CTNND2: variants seen among roughly 807,000 people sequenced by gnomAD.
CTNND2 encodes the protein catenin delta-2.
In CTNND2, 22 loss-of-function variants were observed where a neutral mutation model predicts 144.4. The observed-to-expected ratio is 0.15, with a 90% confidence interval of 0.11 to 0.22. CTNND2 has a LOEUF of 0.22. Among genes scored for constraint, CTNND2 ranks in the 10% least tolerant of loss-of-function variants. The probability of loss-of-function intolerance (pLI) is 1.00; values close to 1 mark genes in which losing one functional copy is unlikely to be tolerated. For missense variants in CTNND2, 1,353 were observed against 1,618.8 expected (o/e 0.84, Z 2.82); for synonymous variants, 751 against 695.6 (o/e 1.08, Z -1.25).
chr5:11,515,548 T>C (rs1327253935), intron 3 of CTNND2, among the ~76,000 whole-genome samples: 1 of 152,160 alleles, frequency 6.6e-6, no homozygotes, highest in East Asian at 1.9e-4. Flanking sequence ...TTCTATACCA[T>C]CCCATAACAT....
chr5:11,141,127 T>C (rs1293301968), intron 12 of CTNND2, among the ~76,000 whole-genome samples: 1 of 152,030 alleles, frequency 6.6e-6, no homozygotes, highest in African/African-American at 2.4e-5. Context: ...ACTAATTTTT[T>C]ATTTTTTGTA....
intron 1 of CTNND2, among the ~76,000 whole-genome samples, chr5:11,750,123 G>A (rs1788531465): frequency 6.6e-6 from 1 of 151,930 alleles, no homozygotes; most frequent in African/African-American, 2.4e-5. Context: ...GGTGGAGTGA[G>A]TTAATTTTAC....
At chr5:11,037,711 T>C (rs1246324960) in intron 16 of CTNND2, among the ~76,000 whole-genome samples, 1 of 152,228 alleles carries the variant, frequency 6.6e-6, no homozygotes, top group East Asian at 1.9e-4. Flanking sequence ...ATCTAACAGG[T>C]TATGCTTATA....
chr5:11,674,628 T>G (rs1473798251), intron 2 of CTNND2, among the ~76,000 whole-genome samples: 1 of 152,236 alleles, frequency 6.6e-6, no homozygotes, highest in Non-Finnish European at 1.5e-5. Context: ...CTCATGTACA[T>G]GAATTTCTGT....
chr5:11,891,492 G>A (rs1433001957), intron 1 of CTNND2, among the ~76,000 whole-genome samples: 2 of 152,126 alleles, frequency 1.3e-5, no homozygotes, highest in African/African-American at 4.8e-5. Context: ...ATATGATGAA[G>A]TCCTAGCCCC....
At chr5:11,477,522 C>T (rs546427355) in intron 3 of CTNND2, among the ~76,000 whole-genome samples, 112 of 152,146 alleles carry the variant, frequency 7.4e-4, no homozygotes, top group African/African-American at 2.7e-3. Flanking sequence ...AGTGATCCTC[C>T]CACCTCAGCT....
At chr5:11,239,423 C>G (rs147230019) in intron 9 of CTNND2, among the ~76,000 whole-genome samples, 25 of 152,318 alleles carry the variant, frequency 1.6e-4, no homozygotes, top group Non-Finnish European at 2.4e-4. Flanking sequence ...CCCAAAACCT[C>G]TGGAATCCCA....
rs769477501 is a variant in CTNND2 at position 11,110,945 on chromosome 5, C to A, written c.2376G>T (p.Gly792=). The part of the protein sequence containing the change: ...GQHMGTDELD[G]LLCGEANGKD... ...TGCCATTGGCCTCGCCACAGAGTAG[C>A]CCGTCCAGCTCGTCCGTGCCCATGT... The change falls in exon 14 of 22, where the codon GGG becomes GGT. Residue 792 remains glycine (G), a synonymous_variant. Coordinates refer to ENST00000304623, the MANE Select transcript of CTNND2 (RefSeq NM_001332.4). 45 of 1,614,034 alleles carry A rather than the reference C, an allele frequency of 2.8e-5. No homozygotes were observed. Among genetic ancestry groups the A allele is most frequent in the South Asian group, 3.3e-5 (3 of 91,080 alleles).
intron 9 of CTNND2, among the ~76,000 whole-genome samples, chr5:11,326,419 G>A (rs1752525846): frequency 6.6e-6 from 1 of 152,142 alleles, no homozygotes; most frequent in Admixed American, 6.5e-5. Context: ...GAGAGTCAGG[G>A]AAGGGCCAGT....
At chr5:11,713,751 C>A (rs1156468299) in intron 2 of CTNND2, among the ~76,000 whole-genome samples, 1 of 152,030 alleles carries the variant, frequency 6.6e-6, no homozygotes, top group African/African-American at 2.4e-5. Flanking sequence ...TAAAATGTAA[C>A]ACAGAGCCTT....
chr5:10,991,243 C>T (rs933302021), intron 19 of CTNND2, among the ~76,000 whole-genome samples: 1 of 152,290 alleles, frequency 6.6e-6, no homozygotes, highest in South Asian at 2.1e-4. Flanking sequence ...TAAAGTCTGG[C>T]GTGGAGTTCT....
At chr5:11,289,022 A>G (rs1748038926) in intron 9 of CTNND2, among the ~76,000 whole-genome samples, 1 of 152,042 alleles carries the variant, frequency 6.6e-6, no homozygotes, top group African/African-American at 2.4e-5. Context: ...GGCCTTTACC[A>G]CTGACATGAT....
chr5:11,151,179 G>A (rs1175974987), intron 12 of CTNND2, among the ~76,000 whole-genome samples: 2 of 152,172 alleles, frequency 1.3e-5, no homozygotes, highest in Non-Finnish European at 1.5e-5. Flanking sequence ...CATGAAAATC[G>A]ATGTGTTACA....
At position 11,472,375 on chromosome 5, in the gene CTNND2, C is replaced by T. The variant is rs565928558; in HGVS notation, c.288-60306G>A. 9.2e-5 allele frequency among the ~76,000 whole-genome samples: 14 copies of T among 152,250 alleles called. No homozygotes were observed. In the South Asian group the frequency reaches 2.7e-3, roughly 29 times the overall value. ...TACTTTTATAATTGAAATAATTTTA[C>T]TTCTCATTAATCTTATCCTAAAATA... On this transcript the variant is annotated intron_variant, in intron 3 of 21. Transcript: ENST00000304623.
chr5:11,672,718 G>A (rs374341054), intron 2 of CTNND2, among the ~76,000 whole-genome samples: 1 of 152,092 alleles, frequency 6.6e-6, no homozygotes, highest in African/African-American at 2.4e-5. Flanking sequence ...GCTCCATAGG[G>A]GTGGGACCCA....
At chr5:11,723,811 G>C (rs1581778663) in intron 2 of CTNND2, among the ~76,000 whole-genome samples, 1 of 152,150 alleles carries the variant, frequency 6.6e-6, no homozygotes, top group East Asian at 1.9e-4. Context: ...AATTCCAGCA[G>C]TTTGGGAGGC....
Position 11,618,385 on chromosome 5 carries a change from G to A in CTNND2, c.175-53329C>T, listed in dbSNP as rs116271803. Among the ~76,000 whole-genome samples, 1,312 of 152,240 alleles carry A rather than the reference G, an allele frequency of 8.6e-3. 10 individuals carry two copies. The highest frequency in any genetic ancestry group is 0.016 in the Non-Finnish European group (1,065 of 68,020). ...AGTGAGATTAATAAAACTATAAAGAGCTGCATGCTAGTTCAGGTCAGGTTT... is the reference window on the plus strand; with the variant it reads ...AGTGAGATTAATAAAACTATAAAGAACTGCATGCTAGTTCAGGTCAGGTTT... On this transcript the variant is annotated intron_variant, in intron 2 of 21. Transcript: ENST00000304623.
chr5:11,903,719 G>A lies in CTNND2; in HGVS notation c.37+98C>T. The A allele has an allele frequency of 8.0e-7, 1 of 1,245,670 alleles. No individual in the cohort carries two copies. 77.2% of individuals were successfully genotyped at this position (1,245,670 alleles called of 1,614,324 possible). A position where few individuals can be genotyped will look rare whatever the true frequency, so the allele number is the denominator to read the frequency against. ...CAGCAGCCGCCGCCGCCGCCTGCCG[G>A]CCGGGAGCCCAGGACCACCCCCACC... On this transcript the variant is annotated intron_variant, in intron 1 of 21. Transcript: ENST00000304623. This position sits in a 1 kb window ranked among gnomAD's most constrained non-coding sequence, Gnocchi z 5.4.
chr5:11,458,190 A>G (rs1394266257), intron 3 of CTNND2, among the ~76,000 whole-genome samples: 5 of 152,226 alleles, frequency 3.3e-5, no homozygotes, highest in African/African-American at 1.2e-4. Flanking sequence ...GGGTCTACTC[A>G]GGAAACACCC....
Sources: gnomAD v4.1 joint callset for allele counts (sites outside exome capture counted in the v4.1 genomes callset) on GRCh38, gnomAD v4.1.1 for gene constraint, Gnocchi (gnomAD v3.1) non-coding constraint, MANE v1.5 for transcripts, NCBI Gene and HGNC (gene_info 2026-07-23, HGNC 2026-07-21) for gene names.